The following CRYL1 variants were observed in gnomAD, a reference collection of about 807,000 sequenced individuals.
CRYL1 encodes the protein lambda-crystallin homolog.
CRYL1 carries 29 observed loss-of-function variants against 36.6 expected under a neutral mutation model. The observed-to-expected ratio is 0.79, with a 90% CI of 0.59 to 1.08. CRYL1 has a LOEUF of 1.08. Ranked by LOEUF, CRYL1 falls within the 50% of genes least tolerant of loss-of-function variation. The pLI, the probability that CRYL1 is intolerant of heterozygous loss-of-function variation, is 0.00. For missense variants in CRYL1, 411 were observed against 407.9 expected, an observed-to-expected ratio of 1.01 and a Z score of -0.06; for synonymous variants, 152 against 151.5, an observed-to-expected ratio of 1.00 and a Z score of -0.02.
rs915214708 is a variant in CRYL1 at position 20,403,799 on chromosome 13, T to G, written c.*330A>C. On this transcript the variant is annotated 3_prime_UTR_variant, in exon 8 of 8. Transcript: ENST00000298248. ...AATTACAAAAATATTTTGCCACATA[T>G]TAACATGAAACTACAATCACTGGCT... 5.1e-6 allele frequency: 1 copy of G among 197,074 alleles called. No individual in the cohort carries two copies. The highest frequency in any genetic ancestry group is 2.3e-5 in the African/African-American group (1 of 42,946). The allele number at this position is 197,074 out of a possible 1,614,324, so 12.2% of individuals were successfully genotyped here.
At chr13:20,521,243 T>C (rs568480976) in intron 1 of CRYL1, among the ~76,000 whole-genome samples, 59 of 151,746 alleles carry the variant, frequency 3.9e-4, no homozygotes, top group African/African-American at 1.4e-3. Flanking sequence ...GGCACTATAC[T>C]TGAAAGAGGA....
intron 3 of CRYL1, among the ~76,000 whole-genome samples, chr13:20,452,242 T>TA (rs34122237): frequency 0.38 from 51,064 of 134,440 alleles, 9,646 homozygotes; most frequent in African/African-American, 0.42. Flanking sequence ...CAGACCGAAT[T>TA]AAAAAAAAAA....
At chr13:20,437,377 G>C (rs562138993) in intron 4 of CRYL1, among the ~76,000 whole-genome samples, 4 of 149,986 alleles carry the variant, frequency 2.7e-5, no homozygotes, top group Admixed American at 1.3e-4. Context: ...GCGCGATCTC[G>C]GCTCACTGCA....
rs35780379 is a variant in CRYL1, at chr13:20,516,190, CAAAA to C, written c.42-3644_42-3641del. On this transcript the variant is annotated intron_variant, in intron 1 of 7. Coordinates refer to ENST00000298248, the MANE Select transcript of CRYL1 (RefSeq NM_015974.3). The stretch of plus-strand genomic sequence containing the variant: ...TGGGCGAAAGAGCAAAACTCCATCT[CAAAA>C]AAAAAAAAAAAAAAAAAGGCAAATT... 1.5e-3 allele frequency among the ~76,000 whole-genome samples: 111 copies of C among 73,278 alleles called. 1 individual carries two copies. The highest frequency in any genetic ancestry group is 5.1e-3 in the African/African-American group (88 of 17,246). 48.1% of individuals were successfully genotyped at this position (73,278 alleles called of 152,430 possible).
chr13:20,417,359 G>A (rs2031696170), intron 5 of CRYL1, among the ~76,000 whole-genome samples: 1 of 152,192 alleles, frequency 6.6e-6, no homozygotes, highest in Non-Finnish European at 1.5e-5. Flanking sequence ...TGCTTGTGTT[G>A]AAACAGGGAA....
chr13:20,486,890 T>G (rs1161481582), intron 3 of CRYL1, among the ~76,000 whole-genome samples: 2 of 152,246 alleles, frequency 1.3e-5, no homozygotes, highest in Non-Finnish European at 1.5e-5. Flanking sequence ...CTGAGCATTT[T>G]CTGTGTGCCA....
Position 20,490,327 on chromosome 13 carries a change from T to G in CRYL1, c.150-831A>C, listed in dbSNP as rs570094647. On this transcript the variant is annotated intron_variant, in intron 2 of 7. Transcript: ENST00000298248. ...GAATCGCTTGAACCCAGGAGGCAGA[T>G]GTTGCAGTGAGCTATGGTAGCACCA... 2.7e-4 allele frequency among the ~76,000 whole-genome samples: 41 copies of G among 152,172 alleles called. No homozygotes were observed. In the East Asian group the frequency reaches 7.2e-3, roughly 27 times the overall value.
At chr13:20,487,400 C>G (rs1201849478) in intron 3 of CRYL1, among the ~76,000 whole-genome samples, 2 of 152,208 alleles carry the variant, frequency 1.3e-5, no homozygotes, top group Non-Finnish European at 2.9e-5. Flanking sequence ...AAAAGCTCTG[C>G]ATAGCAAACA....
intron 1 of CRYL1, among the ~76,000 whole-genome samples, chr13:20,520,344 C>A (rs1416831917): frequency 6.7e-6 from 1 of 148,808 alleles, no homozygotes; most frequent in Non-Finnish European, 1.5e-5. Context: ...GGGGTCTGAA[C>A]CCTGGAGAGG....
At chr13:20,511,584 AAAGT>A (rs2033918714) in intron 2 of CRYL1, among the ~76,000 whole-genome samples, 1 of 152,242 alleles carries the variant, frequency 6.6e-6, no homozygotes, top group Non-Finnish European at 1.5e-5. Flanking sequence ...TGCAGACAAT[AAAGT>A]AAGCATATTT....
At chr13:20,491,218 T>A (rs1728865368) in intron 2 of CRYL1, among the ~76,000 whole-genome samples, 2 of 152,216 alleles carry the variant, frequency 1.3e-5, no homozygotes, top group African/African-American at 2.4e-5. Flanking sequence ...TAAATTTTTT[T>A]AAAAGGAAGG....
intron 5 of CRYL1, among the ~76,000 whole-genome samples, chr13:20,426,459 T>C (rs1215035714): frequency 6.6e-6 from 1 of 152,098 alleles, no homozygotes; most frequent in Non-Finnish European, 1.5e-5. Context: ...AGGTATTCAG[T>C]GTCTTAAAAC....
At chr13:20,423,592 C>T (rs1489922758) in intron 5 of CRYL1, among the ~76,000 whole-genome samples, 1 of 152,108 alleles carries the variant, frequency 6.6e-6, no homozygotes, top group Non-Finnish European at 1.5e-5. Context: ...AGTATCTCTG[C>T]ACCCTGTGAT....
chr13:20,495,196 C>G (rs2033584373), intron 2 of CRYL1, among the ~76,000 whole-genome samples: 1 of 152,178 alleles, frequency 6.6e-6, no homozygotes, highest in South Asian at 2.1e-4. Flanking sequence ...AAAAGATGTG[C>G]CAATCAACCG....
intron 5 of CRYL1, among the ~76,000 whole-genome samples, chr13:20,429,973 G>T (rs1478995399): frequency 4.6e-5 from 7 of 152,140 alleles, no homozygotes; most frequent in Non-Finnish European, 1.0e-4. Context: ...GATGGTCAAG[G>T]TCAGCACCAC....
At chr13:20,494,400 C>T (rs73163214) in intron 2 of CRYL1, among the ~76,000 whole-genome samples, 1 of 152,112 alleles carries the variant, frequency 6.6e-6, no homozygotes, top group African/African-American at 2.4e-5. Flanking sequence ...TAACCACCGC[C>T]AATCCTCTTT....
At chr13:20,484,703 T>C (rs2033360587) in intron 3 of CRYL1, among the ~76,000 whole-genome samples, 1 of 152,086 alleles carries the variant, frequency 6.6e-6, no homozygotes, top group Admixed American at 6.5e-5. Context: ...AAAACCATGA[T>C]GCAAAATTCT....
chr13:20,437,133 G>A (rs990423953), intron 4 of CRYL1, among the ~76,000 whole-genome samples: 3 of 151,914 alleles, frequency 2.0e-5, no homozygotes, highest in African/African-American at 7.3e-5. Context: ...CTGCTCTCCA[G>A]CCTGGGTGAA....
chr13:20,485,560 T>C (rs552541649), intron 3 of CRYL1, among the ~76,000 whole-genome samples: 8 of 151,922 alleles, frequency 5.3e-5, no homozygotes, highest in African/African-American at 1.9e-4. Flanking sequence ...TCCCAGCTAC[T>C]CAGGAGGCTG....
Sources: gnomAD v4.1 joint callset for allele counts (sites outside exome capture counted in the v4.1 genomes callset) on GRCh38, gnomAD v4.1.1 for gene constraint, MANE v1.5 for transcripts, NCBI Gene and HGNC (gene_info 2026-07-23, HGNC 2026-07-21) for gene names.